Variants in NRXN3 observed in about 807,000 individuals in gnomAD.
NRXN3 encodes neurexin III.
In NRXN3, 32 loss-of-function variants were observed where a neutral mutation model predicts 137.6. The ratio of observed to expected loss-of-function variants is 0.23; its 90% confidence interval spans 0.18 to 0.31. The LOEUF (loss-of-function observed/expected upper bound fraction) is 0.31. NRXN3 is among the 10% of genes least tolerant of loss of function. The probability of loss-of-function intolerance (pLI) is 1.00; values close to 1 mark genes in which losing one functional copy is unlikely to be tolerated. For missense variants in NRXN3, 1,574 were observed against 2,062.5 expected (o/e 0.76, Z 4.59); for synonymous variants, 798 against 784.5 (o/e 1.02, Z -0.29).
chr14:78,991,503 T>C lies in NRXN3; in HGVS notation c.3262+3362T>C, dbSNP rs1279158890. On this transcript the variant is annotated intron_variant, in intron 15 of 20. Transcript: ENST00000335750. Reference sequence around the variant, plus strand: ...GGGAAAAATGGTTATGGATATCTCATTTTCCAGAAGCTGTTTCTCAGGGCA... The same window carrying C: ...GGGAAAAATGGTTATGGATATCTCACTTTCCAGAAGCTGTTTCTCAGGGCA... Among the ~76,000 whole-genome samples, 11 of 152,228 alleles carry C rather than the reference T, an allele frequency of 7.2e-5. 1 individual carries two copies. Among genetic ancestry groups the C allele is most frequent in the African/African-American group, 2.2e-4 (9 of 41,460 alleles).
At chr14:78,952,687 C>CTT (rs1389485969) in intron 10 of NRXN3, among the ~76,000 whole-genome samples, 5 of 152,158 alleles carry the variant, frequency 3.3e-5, no homozygotes, top group Admixed American at 6.5e-5. Context: ...TTCACTACGC[C>CTT]TTTCTAAAGA....
chr14:79,722,312 G>A (rs1291509542), intron 19 of NRXN3, among the ~76,000 whole-genome samples: 1 of 152,028 alleles, frequency 6.6e-6, no homozygotes, highest in Non-Finnish European at 1.5e-5. Context: ...GCGCATGTAT[G>A]AGTAAGCAAG....
intron 1 of NRXN3, among the ~76,000 whole-genome samples, chr14:78,238,620 T>G (rs2066664011): frequency 6.6e-6 from 1 of 152,220 alleles, no homozygotes; most frequent in South Asian, 2.1e-4. Context: ...AAACTAGGAA[T>G]GAAAAGGAAG....
In NRXN3 at chr14:79,759,954, G is replaced by T. The variant is rs1015448576; in HGVS notation, c.4015-45158G>T. Among the ~76,000 whole-genome samples the T allele has an allele frequency of 9.2e-5, 14 of 151,666 alleles. 1 individual carries two copies. The highest frequency in any genetic ancestry group is 8.5e-4 in the Admixed American group (13 of 15,244). On this transcript the variant is annotated intron_variant, in intron 19 of 20. Transcript: ENST00000335750. The stretch of plus-strand genomic sequence containing the variant: ...TGAATTTGACATAAGAATAGGATCA[G>T]GAAAATGAATTCTGTGTTACATGAC...
chr14:78,729,585 C>T lies in NRXN3; in HGVS notation c.2044+14446C>T, dbSNP rs560606430. Among the ~76,000 whole-genome samples the T allele has an allele frequency of 4.6e-5, 7 of 152,212 alleles. No individual in the cohort carries two copies. In the South Asian group the frequency reaches 1.2e-3, roughly 27 times the overall value. On this transcript the variant is annotated intron_variant, in intron 8 of 20. Coordinates refer to ENST00000335750, the MANE Select transcript of NRXN3 (RefSeq NM_001330195.2). ...AACTGTAAAGTTTCATGGGGCTGGTCCAGAAGAGCATGAAATGAGTACAGC... is the reference window on the plus strand; with the variant it reads ...AACTGTAAAGTTTCATGGGGCTGGTTCAGAAGAGCATGAAATGAGTACAGC...
intron 15 of NRXN3, among the ~76,000 whole-genome samples, chr14:79,270,249 A>G (rs1001041679): frequency 6.6e-6 from 1 of 152,150 alleles, no homozygotes. Flanking sequence ...TGTGGCTCCA[A>G]ATGTTGGAAA....
At chr14:78,721,703 A>T (rs944005869) in intron 8 of NRXN3, among the ~76,000 whole-genome samples, 1 of 152,142 alleles carries the variant, frequency 6.6e-6, no homozygotes, top group Non-Finnish European at 1.5e-5. Flanking sequence ...AACGAATCGA[A>T]CCTTAGATTT....
intron 1 of NRXN3, among the ~76,000 whole-genome samples, chr14:78,213,175 G>C (rs958897629): frequency 6.6e-6 from 1 of 152,194 alleles, no homozygotes; most frequent in African/African-American, 2.4e-5. Context: ...CATGCTACAA[G>C]AAAGGACAGG....
intron 15 of NRXN3, among the ~76,000 whole-genome samples, chr14:79,464,961 AT>A (rs1282215075): frequency 6.6e-6 from 1 of 152,148 alleles, no homozygotes; most frequent in African/African-American, 2.4e-5. Context: ...TTGACTTGTT[AT>A]TTTTGTAGTG....
At chr14:79,180,561 T>A (rs1377523948) in intron 15 of NRXN3, among the ~76,000 whole-genome samples, 2 of 152,186 alleles carry the variant, frequency 1.3e-5, no homozygotes, top group African/African-American at 4.8e-5. Context: ...CTTAATTAAC[T>A]GCTATTTTTT....
intron 6 of NRXN3, among the ~76,000 whole-genome samples, chr14:78,664,283 G>A (rs1261802185): frequency 1.3e-5 from 2 of 152,098 alleles, no homozygotes; most frequent in African/African-American, 4.8e-5. Context: ...TACCTTCAAA[G>A]ATTCTCATTG....
At chr14:79,279,981 G>T in intron 15 of NRXN3, 2 of 1,155,846 alleles carry the variant, frequency 1.7e-6, no homozygotes, top group Non-Finnish European at 2.1e-6. Context: ...AAGCCGCGCC[G>T]GTCTTCCCCT....
intron 15 of NRXN3, among the ~76,000 whole-genome samples, chr14:79,282,609 G>A (rs1290805238): frequency 6.6e-6 from 1 of 151,866 alleles, no homozygotes; most frequent in Non-Finnish European, 1.5e-5. Context: ...AAATCTTTTT[G>A]ACTGGTCCCC....
intron 15 of NRXN3, among the ~76,000 whole-genome samples, chr14:79,422,996 C>A (rs2153536577): frequency 6.6e-6 from 1 of 152,190 alleles, no homozygotes; most frequent in South Asian, 2.1e-4. Flanking sequence ...CCGCGCCCGG[C>A]CTAGTCACAC....
chr14:79,325,340 A>G (rs1417405585), intron 15 of NRXN3, among the ~76,000 whole-genome samples: 1 of 152,162 alleles, frequency 6.6e-6, no homozygotes, highest in Non-Finnish European at 1.5e-5. Context: ...AAGGTGACAG[A>G]GAGCCCACAC....
intron 15 of NRXN3, among the ~76,000 whole-genome samples, chr14:79,025,986 A>G (rs1338879854): frequency 6.6e-6 from 1 of 152,146 alleles, no homozygotes; most frequent in African/African-American, 2.4e-5. Flanking sequence ...GAGGAATGGA[A>G]CAGCAGAAGT....
At chr14:79,492,436 G>A (rs1221850711) in intron 16 of NRXN3, among the ~76,000 whole-genome samples, 1 of 152,080 alleles carries the variant, frequency 6.6e-6, no homozygotes, top group African/African-American at 2.4e-5. Flanking sequence ...AGGCTGGAGT[G>A]CAGTGGCGCC....
At chr14:79,194,906 G>A (rs993948955) in intron 15 of NRXN3, among the ~76,000 whole-genome samples, 1 of 151,958 alleles carries the variant, frequency 6.6e-6, no homozygotes, top group Non-Finnish European at 1.5e-5. Flanking sequence ...CTAATTTAAG[G>A]GAGTTATTTT....
At chr14:79,739,169 G>A (rs1268967829) in intron 19 of NRXN3, among the ~76,000 whole-genome samples, 1 of 152,154 alleles carries the variant, frequency 6.6e-6, no homozygotes, top group Admixed American at 6.5e-5. Context: ...GAAGGCACGT[G>A]GGTGTTTCAA....
Sources: allele counts gnomAD v4.1 joint callset (sites outside exome capture counted in the v4.1 genomes callset), GRCh38; gene constraint gnomAD v4.1.1; transcripts MANE v1.5; gene names NCBI Gene and HGNC (gene_info 2026-07-23, HGNC 2026-07-21).